SLIT3: variants seen among roughly 807,000 people sequenced by gnomAD.
SLIT3 encodes the protein slit homolog 3 protein.
Under a neutral mutation model 184.0 loss-of-function variants are expected in SLIT3, and 68 were observed. The observed-to-expected ratio is 0.37, with a 90% CI of 0.30 to 0.45. The LOEUF (loss-of-function observed/expected upper bound fraction) is 0.45, where lower values mean the gene tolerates loss of function less well. SLIT3 is among the 20% of genes least tolerant of loss of function. SLIT3 has a pLI of 1.00. For synonymous variants in SLIT3, 831 were observed against 828.6 expected, an observed-to-expected ratio of 1.00 and a Z score of -0.05; for missense variants, 1,707 against 2,026.0, an observed-to-expected ratio of 0.84 and a Z score of 3.02.
chr5:169,015,795 G>A (rs895834845), intron 4 of SLIT3, among the ~76,000 whole-genome samples: 4 of 152,058 alleles, frequency 2.6e-5, no homozygotes, highest in Non-Finnish European at 4.4e-5. Flanking sequence ...TTAGCCAGGT[G>A]TGGTGGTACT....
intron 4 of SLIT3, among the ~76,000 whole-genome samples, chr5:169,035,641 C>T (rs1234550403): frequency 2.5e-5 from 3 of 117,678 alleles, no homozygotes; most frequent in African/African-American, 3.5e-5. Flanking sequence ...AGTGAGACTG[C>T]ATCTGGAAAA....
At chr5:168,754,757 G>GTA (rs1754836641) in intron 16 of SLIT3, among the ~76,000 whole-genome samples, 1 of 152,124 alleles carries the variant, frequency 6.6e-6, no homozygotes, top group Non-Finnish European at 1.5e-5. Flanking sequence ...TAATTGTTAT[G>GTA]TATCAATTTA....
chr5:168,668,766 T>C (rs1389324387), intron 35 of SLIT3, among the ~76,000 whole-genome samples: 1 of 152,120 alleles, frequency 6.6e-6, no homozygotes, highest in Non-Finnish European at 1.5e-5. Context: ...GATGAGGAAG[T>C]GAACCACAAG....
At chr5:169,118,088 G>C (rs1267226393) in intron 4 of SLIT3, among the ~76,000 whole-genome samples, 1 of 152,034 alleles carries the variant, frequency 6.6e-6, no homozygotes, top group African/African-American at 2.4e-5. Context: ...CAAGGCGGGA[G>C]GATCACTTGA....
In SLIT3 at chr5:168,665,357, C is replaced by T. The variant is rs1761000655; in HGVS notation, c.*1097G>A. ...GAGGCCTGTCTTACAACAAGAGCCT[C>T]CAAGAACCTTCCAGAGTTGGACATC... is the stretch of plus-strand genomic sequence containing the variant. On this transcript the variant is annotated 3_prime_UTR_variant, in exon 36 of 36. Transcript: ENST00000519560. 6.6e-6 allele frequency: 1 copy of T among 152,226 alleles called. No homozygotes were observed. The highest frequency in any genetic ancestry group is 6.5e-5 in the Admixed American group (1 of 15,278). 9.4% of individuals were successfully genotyped at this position (152,226 alleles called of 1,614,324 possible). A position where few individuals can be genotyped will look rare whatever the true frequency, so the allele number is the denominator to read the frequency against.
At chr5:169,020,168 C>A (rs1189217279) in intron 4 of SLIT3, among the ~76,000 whole-genome samples, 1 of 152,166 alleles carries the variant, frequency 6.6e-6, no homozygotes, top group Non-Finnish European at 1.5e-5. Flanking sequence ...TACTATCTGG[C>A]CTTTTACAGA....
At chr5:169,291,600 T>C (rs1360618851) in intron 1 of SLIT3, among the ~76,000 whole-genome samples, 1 of 152,252 alleles carries the variant, frequency 6.6e-6, no homozygotes, top group Non-Finnish European at 1.5e-5. Context: ...AAATTGGACA[T>C]GATGGCTCTG....
In SLIT3 at chr5:168,955,043, T is replaced by C. The variant is rs555327754; in HGVS notation, c.414-71707A>G. Among the ~76,000 whole-genome samples, 11 of 116,600 alleles carry C rather than the reference T, an allele frequency of 9.4e-5. No homozygotes were observed. The East Asian group carries it at 2.1e-3, about 22-fold the overall frequency. The allele number at this position is 116,600 out of a possible 152,430, so 76.5% of individuals were successfully genotyped here. A position where few individuals can be genotyped will look rare whatever the true frequency, so the allele number is the denominator to read the frequency against. On this transcript the variant is annotated intron_variant, in intron 4 of 35. Transcript: ENST00000519560. ...TCTGGAGGAAGGCCTGTTCCCTGGC[T>C]ACACAGCCCAGGCCACCTAGAGGCA... is the stretch of plus-strand genomic sequence containing the variant.
At chr5:169,048,462 G>A in intron 4 of SLIT3, among the ~76,000 whole-genome samples, 1 of 152,184 alleles carries the variant, frequency 6.6e-6, no homozygotes, top group East Asian at 1.9e-4. Context: ...TGGTGAAGCT[G>A]GTAATTTGGT....
intron 23 of SLIT3, among the ~76,000 whole-genome samples, chr5:168,717,473 G>A (rs1366480115): frequency 2.6e-5 from 4 of 152,022 alleles, no homozygotes; most frequent in Non-Finnish European, 5.9e-5. Context: ...GCCTTGTGTT[G>A]TAGTTGCTTA....
At chr5:169,258,081 T>A (rs1476786222) in intron 1 of SLIT3, among the ~76,000 whole-genome samples, 1 of 152,098 alleles carries the variant, frequency 6.6e-6, no homozygotes, top group Non-Finnish European at 1.5e-5. Context: ...AAGCTGAAGT[T>A]TAGTTTCCCC....
Position 169,157,358 on chromosome 5 carries a change from G to A in SLIT3, c.413+36121C>T, listed in dbSNP as rs73315669. 2.8e-3 allele frequency among the ~76,000 whole-genome samples: 430 copies of A among 152,310 alleles called. 4 individuals carry two copies. Among genetic ancestry groups the A allele is most frequent in the African/African-American group, 9.9e-3 (413 of 41,560 alleles). On this transcript the variant is annotated intron_variant, in intron 4 of 35. Transcript: ENST00000519560. Reference sequence around the variant, plus strand: ...ACCCCTGCCCCTTCTACCCTGAGGTGTTGGGAGGCCATGTGGGAAACAGTA... The same window carrying A: ...ACCCCTGCCCCTTCTACCCTGAGGTATTGGGAGGCCATGTGGGAAACAGTA...
intron 4 of SLIT3, among the ~76,000 whole-genome samples, chr5:169,096,067 T>G (rs1759767533): frequency 6.6e-6 from 1 of 152,216 alleles, no homozygotes; most frequent in African/African-American, 2.4e-5. Flanking sequence ...CTTCTATGCA[T>G]TTGCATAATT....
intron 4 of SLIT3, among the ~76,000 whole-genome samples, chr5:169,029,876 G>C (rs771438708): frequency 3.9e-5 from 6 of 152,144 alleles, no homozygotes; most frequent in Non-Finnish European, 1.5e-5. Flanking sequence ...CATTCATGAG[G>C]CTCCATTAAT....
chr5:168,775,074 G>A (rs1456075590), intron 12 of SLIT3, among the ~76,000 whole-genome samples: 4 of 140,106 alleles, frequency 2.9e-5, no homozygotes, highest in Non-Finnish European at 6.1e-5. Flanking sequence ...TCTTGCTCTT[G>A]TCGCCCAGGC....
At chr5:169,028,862 G>A (rs1455620105) in intron 4 of SLIT3, among the ~76,000 whole-genome samples, 1 of 152,094 alleles carries the variant, frequency 6.6e-6, no homozygotes, top group Non-Finnish European at 1.5e-5. Flanking sequence ...CAAAATTTTG[G>A]CAACACTAGC....
At chr5:168,839,116 T>C (rs1321414280) in intron 6 of SLIT3, among the ~76,000 whole-genome samples, 1 of 152,168 alleles carries the variant, frequency 6.6e-6, no homozygotes, top group Non-Finnish European at 1.5e-5. Context: ...AGGTGAGACA[T>C]GAGGGATTCG....
intron 4 of SLIT3, among the ~76,000 whole-genome samples, chr5:168,980,936 T>A (rs1243768784): frequency 6.6e-6 from 1 of 152,216 alleles, no homozygotes; most frequent in African/African-American, 2.4e-5. Flanking sequence ...AAAGCAATGG[T>A]TACCATCATT....
rs747746239 is a variant in SLIT3, at chr5:168,798,223, C to CT, written c.936-2646dup. On this transcript the variant is annotated intron_variant, in intron 9 of 35. Transcript: ENST00000519560. ...TTGGTTTTCTTTTCTTCTTCTTCTT[C>CT]TTTTTTTTTTTTTTTTAAGAGACAG... Among the ~76,000 whole-genome samples the CT allele has an allele frequency of 1.1e-3, 119 of 109,018 alleles. 1 individual carries two copies. Among genetic ancestry groups the CT allele is most frequent in the South Asian group, 6.8e-3 (19 of 2,788 alleles). 71.5% of individuals were successfully genotyped at this position (109,018 alleles called of 152,430 possible). A position where few individuals can be genotyped will look rare whatever the true frequency, so the allele number is the denominator to read the frequency against.
Sources: gnomAD v4.1 joint callset for allele counts (sites outside exome capture counted in the v4.1 genomes callset) on GRCh38, gnomAD v4.1.1 for gene constraint, MANE v1.5 for transcripts, NCBI Gene and HGNC (gene_info 2026-07-23, HGNC 2026-07-21) for gene names.